NPIPB11: variants seen among roughly 807,000 people sequenced by gnomAD.
NPIPB11 encodes nuclear pore complex-interacting protein family member B11.
A neutral mutation model predicts 32.8 loss-of-function variants in NPIPB11; 17 were observed. The observed-to-expected ratio is 0.52, with a 90% CI of 0.35 to 0.78. The LOEUF is 0.78. Among genes scored for constraint, NPIPB11 ranks in the 30% least tolerant of loss-of-function variants. NPIPB11 has a pLI of 0.01. For synonymous variants in NPIPB11, 209 were observed against 398.4 expected (o/e 0.52, Z 5.66); for missense variants, 537 against 1,000.4 (o/e 0.54, Z 6.25).
chr16:29,390,743 C>T (rs1963698713), intron 3 of NPIPB11, among the ~76,000 whole-genome samples: 1 of 151,640 alleles, frequency 6.6e-6, no homozygotes, highest in African/African-American at 2.4e-5. Flanking sequence ...GCAGGCGGAT[C>T]ACCTGAGGTC....
intron 2 of NPIPB11, among the ~76,000 whole-genome samples, chr16:29,396,975 C>A (rs1963869866): frequency 6.6e-6 from 1 of 151,720 alleles, no homozygotes; most frequent in Admixed American, 6.6e-5. Flanking sequence ...TGGTGAAACC[C>A]CGTCTCTACT....
rs574817421 is a variant in NPIPB11, at chr16:29,394,892, C to T, written c.121-816G>A. Among the ~76,000 whole-genome samples, 732 of 149,290 alleles carry T rather than the reference C, an allele frequency of 4.9e-3. 3 individuals carry two copies. The highest frequency in any genetic ancestry group is 0.016 in the African/African-American group (661 of 40,450). On this transcript the variant is annotated intron_variant, in intron 2 of 7. Coordinates refer to ENST00000524087, the Ensembl canonical transcript of NPIPB11. ...TCCTGAGTAGCTGGGAGTACAGGTG[C>T]CTGACAGTGCACTCAGCAAATTTTT...
chr16:29,406,283 CATT>C (rs1240232105), upstream of NPIPB11, among the ~76,000 whole-genome samples: 1 of 152,246 alleles, frequency 6.6e-6, no homozygotes, highest in African/African-American at 2.4e-5. Flanking sequence ...AGTGAGGTGA[CATT>C]AGATCTCATC....
chr16:29,393,528 T>A (rs1212064400), intron 3 of NPIPB11, among the ~76,000 whole-genome samples: 1 of 151,924 alleles, frequency 6.6e-6, no homozygotes, highest in South Asian at 2.1e-4. Context: ...TGTTCTATGT[T>A]TTTCTTTTCC....
At chr16:29,382,162 C>T (rs1198413389) in exon 8 of NPIPB11, 2 of 497,688 alleles carry the variant, frequency 4.0e-6, no homozygotes, top group East Asian at 6.2e-5. Context: ...AGACGCTCGG[C>T]AGGTGTCTTG....
chr16:29,382,290 C>T (rs757454186), exon 8 of NPIPB11: 3 of 1,599,764 alleles, frequency 1.9e-6, no homozygotes, highest in Non-Finnish European at 2.5e-6. Context: ...ACGCTCCCCG[C>T]AGACGCTCGG....
At chr16:29,405,869 A>G (rs1380886799), upstream of NPIPB11, among the ~76,000 whole-genome samples, 1 of 152,218 alleles carries the variant, frequency 6.6e-6, no homozygotes, top group Non-Finnish European at 1.5e-5. Flanking sequence ...CTACACTCAT[A>G]ACCCTGTACA....
At chr16:29,397,280 C>T (rs1357043915) in intron 2 of NPIPB11, among the ~76,000 whole-genome samples, 7 of 151,860 alleles carry the variant, frequency 4.6e-5, no homozygotes, top group African/African-American at 9.7e-5. Context: ...CATCTCGGCT[C>T]ACTGCAACGT....
At chr16:29,402,628 G>T (rs534174443) in intron 2 of NPIPB11, among the ~76,000 whole-genome samples, 1 of 140,546 alleles carries the variant, frequency 7.1e-6, no homozygotes, top group Non-Finnish European at 1.5e-5. Context: ...GCTTGAACCC[G>T]GGAGACGGAG....
intron 2 of NPIPB11, among the ~76,000 whole-genome samples, chr16:29,401,710 T>C (rs1353194105): frequency 6.6e-6 from 1 of 152,124 alleles, no homozygotes; most frequent in East Asian, 1.9e-4. Context: ...AAGTGAAGTG[T>C]GTCACCTCGA....
At chr16:29,404,641 T>C (rs1048191564), upstream of NPIPB11, among the ~76,000 whole-genome samples, 3 of 150,966 alleles carry the variant, frequency 2.0e-5, no homozygotes, top group South Asian at 2.1e-4. Context: ...GGTCCAAGAC[T>C]GGGTAGTTCC....
intron 5 of NPIPB11, among the ~76,000 whole-genome samples, chr16:29,388,964 AGG>A (rs1963636394): frequency 7.1e-6 from 1 of 141,702 alleles, no homozygotes; most frequent in African/African-American, 2.6e-5. Context: ...TGGGAGGCCG[AGG>A]TGTGCGGATC....
At chr16:29,397,573 T>G (rs1963889056) in intron 2 of NPIPB11, 2 of 1,522,016 alleles carry the variant, frequency 1.3e-6, no homozygotes, top group Non-Finnish European at 1.8e-6. Context: ...CTCACACGGA[T>G]GCACTGATGG....
chr16:29,390,823 C>T (rs1449860526), intron 3 of NPIPB11, among the ~76,000 whole-genome samples: 2 of 151,656 alleles, frequency 1.3e-5, no homozygotes, highest in East Asian at 3.9e-4. Flanking sequence ...ATTAGCCAGG[C>T]ATGGTGGTGC....
At position 29,383,688 on chromosome 16, in the gene NPIPB11, G is replaced by C. The variant is rs1262663108; in HGVS notation, c.1244C>G (p.Pro415Arg). 10 of 466,342 alleles carry C rather than the reference G, an allele frequency of 2.1e-5. 4 individuals carry two copies. The highest frequency in any genetic ancestry group is 3.0e-5 in the Non-Finnish European group (10 of 334,102). The allele number at this position is 466,342 out of a possible 1,614,324, so 28.9% of individuals were successfully genotyped here. The change falls in exon 8 of 8, where the codon CCT becomes CGT. Residue 415 changes from proline to arginine, a missense_variant. Physicochemically the swap from Pro to Arg is moderately radical, Grantham distance 103 (BLOSUM62 -2). Transcript: ENST00000524087. The stretch of plus-strand genomic sequence containing the variant: ...AAGCGGCCCCCGCAGATGCTCGGCA[G>C]GTGTCTTGATATTATCATCTGCTGA...
chr16:29,389,973 T>A, exon 5 of NPIPB11: 1 of 1,585,454 alleles, frequency 6.3e-7, no homozygotes, highest in Non-Finnish European at 8.5e-7. Flanking sequence ...TTCCATTGAT[T>A]TTGTCATGAC....
intron 2 of NPIPB11, among the ~76,000 whole-genome samples, chr16:29,397,334 G>A (rs1310315234): frequency 4.0e-5 from 6 of 151,788 alleles, no homozygotes; most frequent in South Asian, 4.2e-4. Context: ...AGCCTCTCCA[G>A]TAACTGGGAT....
chr16:29,397,617 CA>C, intron 2 of NPIPB11: 1 of 1,445,602 alleles, frequency 6.9e-7, no homozygotes, highest in Non-Finnish European at 9.4e-7. Context: ...AAAGAGGAGC[CA>C]AAAGAGCATC....
upstream of NPIPB11, among the ~76,000 whole-genome samples, chr16:29,406,173 T>A (rs1249128551): frequency 2.6e-5 from 4 of 152,254 alleles, no homozygotes; most frequent in Non-Finnish European, 4.4e-5. Flanking sequence ...AAAGAATGTA[T>A]CTCTCATCTT....
Sources: allele counts gnomAD v4.1 joint callset (sites outside exome capture counted in the v4.1 genomes callset), GRCh38; gene constraint gnomAD v4.1.1; transcripts MANE v1.5; gene names NCBI Gene and HGNC (gene_info 2026-07-23, HGNC 2026-07-21).